The following SUSD4 variants were observed in gnomAD, a reference collection of about 807,000 sequenced individuals.
The protein encoded by SUSD4 is sushi domain containing 4, also known as sushi domain-containing protein 4.
SUSD4 carries 41 observed loss-of-function variants against 50.5 expected under a neutral mutation model. That is an observed-to-expected ratio of 0.81 (90% CI 0.63 to 1.05). The LOEUF is 1.05. Ranked by LOEUF, SUSD4 falls within the 50% of genes least tolerant of loss-of-function variation. SUSD4 has a pLI of 0.00. For missense variants in SUSD4, 580 were observed against 634.7 expected (o/e 0.91, Z 0.93); for synonymous variants, 257 against 257.3 (o/e 1.00, Z 0.01).
At chr1:223,241,664 C>A (rs1288745056) in intron 5 of SUSD4, among the ~76,000 whole-genome samples, 1 of 152,114 alleles carries the variant, frequency 6.6e-6, no homozygotes, top group Admixed American at 6.5e-5. Flanking sequence ...AACTGAAAGT[C>A]CCCCCAAAGG....
intron 2 of SUSD4, among the ~76,000 whole-genome samples, chr1:223,330,214 A>G (rs2103269045): frequency 6.6e-6 from 1 of 152,298 alleles, no homozygotes; most frequent in Admixed American, 6.5e-5. Context: ...CAATTTCTCT[A>G]CTGCCACCAC....
At chr1:223,363,573 T>G in intron 1 of SUSD4, 113 bp from the exon 2 acceptor site, 1 of 1,237,902 alleles carries the variant, frequency 8.1e-7, no homozygotes, top group Non-Finnish European at 1.1e-6. Flanking sequence ...TCCATCCTGG[T>G]TCCTCCCCCG....
chr1:223,240,529 C>T (rs915696513), intron 5 of SUSD4, among the ~76,000 whole-genome samples: 2 of 152,072 alleles, frequency 1.3e-5, no homozygotes, highest in Non-Finnish European at 2.9e-5. Flanking sequence ...ATTCTACTAA[C>T]ATTTCCTCAA....
chr1:223,275,887 TAAA>T lies in SUSD4; in HGVS notation c.362-7215_362-7213del, dbSNP rs907007149. On this transcript the variant is annotated intron_variant, in intron 3 of 8. Coordinates refer to ENST00000366878, the MANE Select transcript of SUSD4 (RefSeq NM_017982.4). ...TAGCAGGTGTCTCAGACAAATGTAA[TAAA>T]GAAAAACAGAACCTAATCCGCGCAA... Among the ~76,000 whole-genome samples, 55 of 152,256 alleles carry T rather than the reference TAAA, an allele frequency of 3.6e-4. 1 individual carries two copies. Among genetic ancestry groups the T allele is most frequent in the African/African-American group, 1.2e-3 (48 of 41,542 alleles).
chr1:223,280,707 G>C (rs1663652593), intron 3 of SUSD4, among the ~76,000 whole-genome samples: 2 of 150,470 alleles, frequency 1.3e-5, no homozygotes, highest in South Asian at 4.2e-4. Flanking sequence ...GGATATCCAG[G>C]AATTGAACTC....
At chr1:223,325,967 T>C (rs1268422983) in intron 2 of SUSD4, among the ~76,000 whole-genome samples, 1 of 152,220 alleles carries the variant, frequency 6.6e-6, no homozygotes, top group South Asian at 2.1e-4. Context: ...ACAGATTCTA[T>C]GCAATGCCCA....
At position 223,243,176 on chromosome 1, in the gene SUSD4, TG is replaced by T. The variant is rs1220146861; in HGVS notation, c.725-13789del. 3.3e-5 allele frequency among the ~76,000 whole-genome samples: 5 copies of T among 152,198 alleles called. No homozygotes were observed. In the East Asian group the frequency reaches 9.7e-4, roughly 30 times the overall value. ...AGCCAGCTCTGTGGCCATTCCCACATGGAGACACCACAGGACCTTCTCAGGG... is the reference window on the plus strand; with the variant it reads ...AGCCAGCTCTGTGGCCATTCCCACATGAGACACCACAGGACCTTCTCAGGG... On this transcript the variant is annotated intron_variant, in intron 5 of 8. Coordinates refer to ENST00000366878, the MANE Select transcript of SUSD4 (RefSeq NM_017982.4).
rs1659574111 is a variant in SUSD4, at chr1:223,227,184, C to G, written c.1061+410G>C. On this transcript the variant is annotated intron_variant, in intron 7 of 8. Transcript: ENST00000366878. The surrounding 1 kb of genome is among the most constrained non-coding windows in gnomAD (Gnocchi z 4.5). ...GCATAACACTTTTGTTCACACACCT[C>G]TGACCTGTGTCCCAGTCAGCTGTGT... is the stretch of plus-strand genomic sequence containing the variant. Among the ~76,000 whole-genome samples the G allele has an allele frequency of 6.6e-6, 1 of 152,202 alleles. No individual in the cohort carries two copies. Among genetic ancestry groups the G allele is most frequent in the Non-Finnish European group, 1.5e-5 (1 of 68,044 alleles).
At chr1:223,286,273 G>A (rs974567693) in intron 3 of SUSD4, among the ~76,000 whole-genome samples, 58 of 152,248 alleles carry the variant, frequency 3.8e-4, no homozygotes, top group Admixed American at 7.2e-4. Context: ...CTGCCACCAC[G>A]CCTGGCTAAT....
At chr1:223,361,532 G>A (rs912951909) in intron 2 of SUSD4, among the ~76,000 whole-genome samples, 7 of 152,102 alleles carry the variant, frequency 4.6e-5, no homozygotes, top group African/African-American at 7.2e-5. Context: ...AACCTCATAG[G>A]TGACTGTCAT....
chr1:223,279,375 A>AAATG (rs1181884007), intron 3 of SUSD4, among the ~76,000 whole-genome samples: 3 of 152,218 alleles, frequency 2.0e-5, no homozygotes, highest in African/African-American at 7.2e-5. Context: ...AGAAGTCCTT[A>AAATG]AATGACCTGA....
intron 5 of SUSD4, among the ~76,000 whole-genome samples, chr1:223,250,888 GAAGAC>G (rs1050802118): frequency 3.9e-5 from 6 of 152,146 alleles, no homozygotes; most frequent in African/African-American, 7.2e-5. Context: ...GGGAAGATTC[GAAGAC>G]AGCCCTTTAA....
Position 223,233,338 on chromosome 1 carries a change from G to A in SUSD4, c.725-3950C>T, listed in dbSNP as rs144189379. Among the ~76,000 whole-genome samples, 1,169 of 152,166 alleles carry A rather than the reference G, an allele frequency of 7.7e-3. 13 individuals are homozygous for A. The highest frequency in any genetic ancestry group is 0.026 in the African/African-American group (1,090 of 41,488). On this transcript the variant is annotated intron_variant, in intron 5 of 8. Transcript: ENST00000366878. ...TGTGGTGAGGGTAGGGGGTGGGAGC[G>A]TTTCTTTTAACTTGGAAGGAAACAA...
At chr1:223,235,226 C>T in intron 5 of SUSD4, 1 of 1,009,366 alleles carries the variant, frequency 9.9e-7, no homozygotes, top group East Asian at 2.7e-5. Context: ...GTTTTAGGTT[C>T]ACAGCAATAT....
At chr1:223,304,833 TATATATATATATATATATATATATG>T in intron 2 of SUSD4, among the ~76,000 whole-genome samples, 1 of 73,250 alleles carries the variant, frequency 1.4e-5, no homozygotes. Flanking sequence ...TATATATATA[TATATATATATATATATATATATATG>T]CTATGTGATT....
intron 2 of SUSD4, among the ~76,000 whole-genome samples, chr1:223,322,588 G>A (rs1162899559): frequency 1.3e-5 from 2 of 152,182 alleles, no homozygotes; most frequent in Admixed American, 6.5e-5. Flanking sequence ...CCATGAGGTA[G>A]GAGATTAGAA....
chr1:223,283,590 G>A (rs1191518522), intron 3 of SUSD4, among the ~76,000 whole-genome samples: 2 of 152,206 alleles, frequency 1.3e-5, no homozygotes, highest in African/African-American at 4.8e-5. Flanking sequence ...AACAGGTGCT[G>A]GAGAGGATGT....
chr1:223,264,018 T>C lies in SUSD4; in HGVS notation c.724+612A>G, dbSNP rs1284260849. ...GCTGAACCAGCATGTCCAACTTGCC[T>C]AGCAGAAGTGTTTACAGGCTTTTCC... On this transcript the variant is annotated intron_variant, in intron 5 of 8. Transcript: ENST00000366878. The C allele has an allele frequency of 1.1e-5, 11 of 985,342 alleles. No homozygotes were observed. In the East Asian group the frequency reaches 1.0e-3, roughly 91 times the overall value. The allele number at this position is 985,342 out of a possible 1,614,324, so 61.0% of individuals were successfully genotyped here. A position where few individuals can be genotyped will look rare whatever the true frequency, so the allele number is the denominator to read the frequency against.
At chr1:223,307,831 GT>G (rs1003297823) in intron 2 of SUSD4, among the ~76,000 whole-genome samples, 1 of 151,824 alleles carries the variant, frequency 6.6e-6, no homozygotes, top group Non-Finnish European at 1.5e-5. Context: ...GTCGTACTTT[GT>G]TTTTTTTAAA....
Sources: allele counts gnomAD v4.1 joint callset (sites outside exome capture counted in the v4.1 genomes callset), GRCh38; gene constraint gnomAD v4.1.1; non-coding constraint Gnocchi (gnomAD v3.1); transcripts MANE v1.5; gene names NCBI Gene and HGNC (gene_info 2026-07-23, HGNC 2026-07-21).